ARHGEF11: variants seen among roughly 807,000 people sequenced by gnomAD.
ARHGEF11 encodes the protein Rho guanine exchange factor (GEF) 11.
In ARHGEF11, 55 loss-of-function variants were observed where a neutral mutation model predicts 193.7. The observed-to-expected ratio is 0.28, with a 90% confidence interval of 0.23 to 0.36. The LOEUF (loss-of-function observed/expected upper bound fraction) is 0.36. ARHGEF11 is among the 10% of genes least tolerant of loss of function. The pLI, the probability that ARHGEF11 is intolerant of heterozygous loss-of-function variation, is 1.00. For synonymous variants in ARHGEF11, 693 were observed against 768.0 expected (o/e 0.90, Z 1.62); for missense variants, 1,723 against 2,005.6 (o/e 0.86, Z 2.69).
intron 1 of ARHGEF11, among the ~76,000 whole-genome samples, chr1:157,013,181 T>C (rs1668751648): frequency 6.6e-6 from 1 of 151,278 alleles, no homozygotes; most frequent in Non-Finnish European, 1.5e-5. Flanking sequence ...AGAAATCTGG[T>C]TTACTTGCAG....
intron 13 of ARHGEF11, 97 bp from the exon 14 acceptor site, chr1:156,961,872 T>C: frequency 9.7e-7 from 1 of 1,036,208 alleles, no homozygotes; most frequent in Non-Finnish European, 1.5e-6. Context: ...ACATTTTTAG[T>C]TGTTACAACT....
At chr1:157,013,259 T>TCTCTCACACACACACACACA (rs1553228459) in intron 1 of ARHGEF11, among the ~76,000 whole-genome samples, 1 of 109,490 alleles carries the variant, frequency 9.1e-6, no homozygotes, top group Non-Finnish European at 1.9e-5. Flanking sequence ...CTCCCCACTA[T>TCTCTCACACACACACACACA]CACTCACACA....
rs145416871 is a variant in ARHGEF11, at chr1:157,038,029, C to CAAAAAAAA, written c.32+6262_32+6269dup. 9.7e-4 allele frequency among the ~76,000 whole-genome samples: 44 copies of CAAAAAAAA among 45,514 alleles called. 2 individuals carry two copies. The highest frequency in any genetic ancestry group is 3.9e-3 in the African/African-American group (43 of 10,912). The allele number at this position is 45,514 out of a possible 152,430, so 29.9% of individuals were successfully genotyped here. ...CCTGGGTGACAGAGCAAGACTGTCT[C>CAAAAAAAA]AAAAAAAAAAAAAAAAAAAAAAAAA... is the stretch of plus-strand genomic sequence containing the variant. On this transcript the variant is annotated intron_variant, in intron 1 of 40. Coordinates refer to ENST00000368194, the MANE Select transcript of ARHGEF11 (RefSeq NM_198236.3).
intron 11 of ARHGEF11, 85 bp downstream of exon 11, chr1:156,967,902 C>A (rs904259845): frequency 2.0e-5 from 32 of 1,597,702 alleles, no homozygotes; most frequent in Non-Finnish European, 2.7e-5. Flanking sequence ...GTCTGATGAT[C>A]CAAGACGATG....
intron 1 of ARHGEF11, among the ~76,000 whole-genome samples, chr1:157,031,598 C>T: frequency 6.6e-6 from 1 of 152,138 alleles, no homozygotes; most frequent in East Asian, 1.9e-4. Context: ...AGAAACGGCC[C>T]ACTAATGCAC....
At chr1:157,039,057 C>G (rs995788161) in intron 1 of ARHGEF11, among the ~76,000 whole-genome samples, 10 of 152,144 alleles carry the variant, frequency 6.6e-5, no homozygotes, top group Admixed American at 1.3e-4. Context: ...AAATCCTATT[C>G]CAATTCTATT....
chr1:157,020,671 AGCACACTTTCATTT>A (rs1234270212), intron 1 of ARHGEF11, among the ~76,000 whole-genome samples: 1 of 152,356 alleles, frequency 6.6e-6, no homozygotes, highest in Admixed American at 6.5e-5. Flanking sequence ...ATTTTTACAA[AGCACACTTTCATTT>A]GCCTTTGTAA....
chr1:156,996,019 C>T (rs1407262975), intron 1 of ARHGEF11, among the ~76,000 whole-genome samples: 4 of 152,132 alleles, frequency 2.6e-5, no homozygotes, highest in African/African-American at 9.7e-5. Flanking sequence ...TAAGCCTATA[C>T]TTATCACAGC....
At chr1:157,023,705 G>A (rs1231468435) in intron 1 of ARHGEF11, among the ~76,000 whole-genome samples, 1 of 151,238 alleles carries the variant, frequency 6.6e-6, no homozygotes, top group African/African-American at 2.4e-5. Flanking sequence ...GGGGGAGGTT[G>A]CAGTGAGCCA....
At chr1:156,979,174 C>T in intron 5 of ARHGEF11, 55 bp downstream of exon 5, 1 of 1,557,474 alleles carries the variant, frequency 6.4e-7, no homozygotes, top group Non-Finnish European at 8.9e-7. Flanking sequence ...CCCTCCTTTC[C>T]TCCCTCTCGG....
chr1:156,939,410 CCTT>C lies in ARHGEF11; in HGVS notation c.4096+135_4096+137del, dbSNP rs1382036995. 7.3e-6 allele frequency: 9 copies of C among 1,228,890 alleles called. No homozygotes were observed. In the African/African-American group the frequency reaches 7.6e-5, roughly 10 times the overall value. The allele number at this position is 1,228,890 out of a possible 1,614,324, so 76.1% of individuals were successfully genotyped here. Reference sequence around the variant, plus strand: ...AGCCTGCCTGATATCGGCGTTGTCTCCTTCTTCCAGGACCCAGCGTAGGTCTCT... The same window carrying C: ...AGCCTGCCTGATATCGGCGTTGTCTCCTTCCAGGACCCAGCGTAGGTCTCT... On this transcript the variant is annotated intron_variant, in intron 37 of 40. Coordinates refer to ENST00000368194, the MANE Select transcript of ARHGEF11 (RefSeq NM_198236.3).
intron 1 of ARHGEF11, among the ~76,000 whole-genome samples, chr1:157,040,527 GTC>G (rs1356507175): frequency 6.6e-6 from 1 of 152,202 alleles, no homozygotes; most frequent in African/African-American, 2.4e-5. Flanking sequence ...GGTAGATGAA[GTC>G]TCTCTCATTC....
rs143966928 is a variant in ARHGEF11, at chr1:156,986,301, A to G, written c.33-128T>C. 4.2e-3 allele frequency: 2,799 copies of G among 661,434 alleles called. 12 individuals carry two copies. Among genetic ancestry groups the G allele is most frequent in the Middle Eastern group, 0.015 (34 of 2,338 alleles). 41.0% of individuals were successfully genotyped at this position (661,434 alleles called of 1,614,324 possible). On this transcript the variant is annotated intron_variant, in intron 1 of 40. Transcript: ENST00000368194. ...GAGAGACCAACCTACCCGCCCTGTA[A>G]CCCAATCTGGTAGGACATTAGCCAT...
chr1:157,030,562 T>G (rs12753353), intron 1 of ARHGEF11, among the ~76,000 whole-genome samples: 27,358 of 152,040 alleles, frequency 0.18, 3,054 homozygotes, highest in East Asian at 0.44. Context: ...TTCACTGTCT[T>G]TCACTACTGT....
intron 1 of ARHGEF11, among the ~76,000 whole-genome samples, chr1:157,013,941 C>A (rs981773052): frequency 6.6e-6 from 1 of 152,204 alleles, no homozygotes; most frequent in African/African-American, 2.4e-5. Flanking sequence ...ATTTGTCCAA[C>A]AAACTAGCTC....
At chr1:157,012,828 G>C (rs1026657659) in intron 1 of ARHGEF11, among the ~76,000 whole-genome samples, 2 of 152,148 alleles carry the variant, frequency 1.3e-5, no homozygotes, top group Non-Finnish European at 1.5e-5. Context: ...AGTTTTAGTT[G>C]CAATCATCAT....
chr1:156,996,314 A>C (rs1171591954), intron 1 of ARHGEF11, among the ~76,000 whole-genome samples: 3 of 152,078 alleles, frequency 2.0e-5, no homozygotes, highest in Non-Finnish European at 2.9e-5. Context: ...AGATTTGGGG[A>C]GGGGATGGAC....
chr1:156,963,673 G>A, intron 11 of ARHGEF11, 79 bp from the exon 12 acceptor site: 1 of 1,570,466 alleles, frequency 6.4e-7, no homozygotes, highest in Non-Finnish European at 8.6e-7. Flanking sequence ...AGTTTGTTTA[G>A]TTGCAGCACA....
At chr1:157,032,450 G>A (rs760943808) in intron 1 of ARHGEF11, among the ~76,000 whole-genome samples, 1 of 152,190 alleles carries the variant, frequency 6.6e-6, no homozygotes, top group Non-Finnish European at 1.5e-5. Context: ...CAGATCCTCA[G>A]GCCCCAAACT....
Sources: gnomAD v4.1 joint callset for allele counts (sites outside exome capture counted in the v4.1 genomes callset) on GRCh38, gnomAD v4.1.1 for gene constraint, MANE v1.5 for transcripts, NCBI Gene and HGNC (gene_info 2026-07-23, HGNC 2026-07-21) for gene names.